The following MOG variants were observed in gnomAD, a reference collection of about 807,000 sequenced individuals.
MOG encodes the protein myelin-oligodendrocyte glycoprotein.
A neutral mutation model predicts 35.9 loss-of-function variants in MOG; 20 were observed. The ratio of observed to expected loss-of-function variants is 0.56; its 90% CI spans 0.39 to 0.81. The LOEUF (loss-of-function observed/expected upper bound fraction) is 0.81, where lower values mean the gene tolerates loss of function less well. Among genes scored for constraint, MOG ranks in the 30% least tolerant of loss-of-function variants. MOG has a pLI of 0.00. For synonymous variants in MOG, 92 were observed against 114.3 expected (o/e 0.80, Z 1.25); for missense variants, 251 against 301.0 (o/e 0.83, Z 1.23).
rs35514085 is a variant in MOG, at chr6:29,660,562, G to GCACACACACA, written c.436+914_436+923dup. Among the ~76,000 whole-genome samples the GCACACACACA allele has an allele frequency of 1.9e-3, 241 of 129,194 alleles. 4 individuals carry two copies. Among genetic ancestry groups the GCACACACACA allele is most frequent in the Middle Eastern group, 0.015 (4 of 268 alleles). The allele number at this position is 129,194 out of a possible 152,430, so 84.8% of individuals were successfully genotyped here. A position where few individuals can be genotyped will look rare whatever the true frequency, so the allele number is the denominator to read the frequency against. ...AAAAAAAAACCCTGTATTTGTGAGCGCACACACACACACACACACACACAC... is the reference window on the plus strand; with the variant it reads ...AAAAAAAAACCCTGTATTTGTGAGCGCACACACACACACACACACACACACACACACACAC... On this transcript the variant is annotated intron_variant, in intron 2 of 7. Coordinates refer to ENST00000376917, the MANE Select transcript of MOG (RefSeq NM_206809.4).
In MOG at chr6:29,670,592, C is replaced by T. The variant is rs1771256263; in HGVS notation, c.710-109C>T. On this transcript the variant is annotated intron_variant, in intron 6 of 7. Coordinates refer to ENST00000376917, the MANE Select transcript of MOG (RefSeq NM_206809.4). The surrounding 1 kb of genome is among the most constrained non-coding windows in gnomAD (Gnocchi z 4.2). Reference sequence around the variant, plus strand: ...GAACCACTTACTGGATCTGTGGGATCCCCCAGTGGAAAGGGCAGTGTGGGT... The same window carrying T: ...GAACCACTTACTGGATCTGTGGGATTCCCCAGTGGAAAGGGCAGTGTGGGT... The T allele has an allele frequency of 6.3e-7, 1 of 1,579,706 alleles. No individual in the cohort carries two copies. Among genetic ancestry groups the T allele is most frequent in the Non-Finnish European group, 8.6e-7 (1 of 1,161,268 alleles).
intron 2 of MOG, among the ~76,000 whole-genome samples, chr6:29,663,012 G>A (rs1769217077): frequency 6.6e-6 from 1 of 152,162 alleles, no homozygotes; most frequent in African/African-American, 2.4e-5. Context: ...GCTCACACCT[G>A]TAATCCCAGT....
At chr6:29,668,031 C>T in intron 5 of MOG, 107 bp downstream of exon 5, 4 of 1,002,256 alleles carry the variant, frequency 4.0e-6, no homozygotes, top group Non-Finnish European at 4.7e-6. Flanking sequence ...GTCCCTTCCT[C>T]TCTTCTCTTT....
chr6:29,658,795 C>T (rs1203453467), intron 1 of MOG, among the ~76,000 whole-genome samples: 1 of 152,146 alleles, frequency 6.6e-6, no homozygotes, highest in Non-Finnish European at 1.5e-5. Context: ...TAACCAGAGT[C>T]TTTTTTGTCG....
intron 2 of MOG, chr6:29,661,331 C>T (rs1768686248): frequency 3.1e-6 from 3 of 972,568 alleles, no homozygotes; most frequent in South Asian, 4.7e-5. Flanking sequence ...TAGAGACTGC[C>T]TGCAGGGATA....
chr6:29,671,810 G>T lies in MOG; in HGVS notation c.*625G>T. On this transcript the variant is annotated 3_prime_UTR_variant, in exon 8 of 8. Coordinates refer to ENST00000376917, the MANE Select transcript of MOG (RefSeq NM_206809.4). ...GGGACCTGGGGAAGCAAAAACGAAA[G>T]CTGGGCAACATGCCTGCTTTAGAAT... 3.0e-6 allele frequency: 1 copy of T among 334,406 alleles called. No homozygotes were observed. Among genetic ancestry groups the T allele is most frequent in the South Asian group, 6.8e-5 (1 of 14,680 alleles). The allele number at this position is 334,406 out of a possible 1,614,324, so 20.7% of individuals were successfully genotyped here.
At position 29,671,381 on chromosome 6, in the gene MOG, T is replaced by C. The variant is rs754764728; in HGVS notation, c.*196T>C. 6.2e-7 allele frequency: 1 copy of C among 1,612,682 alleles called. No individual in the cohort carries two copies. ...TCTGTCATCTACCTTTTCTCTTCAT[T>C]TTCCCATTTTTATTACCCTTCTTTC... On this transcript the variant is annotated 3_prime_UTR_variant, in exon 8 of 8. Transcript: ENST00000376917.
At chr6:29,667,540 C>G in intron 3 of MOG, 103 bp from the exon 4 acceptor site, 1 of 1,181,508 alleles carries the variant, frequency 8.5e-7, no homozygotes, top group Non-Finnish European at 1.3e-6. Context: ...TTCCAGGCTG[C>G]AGAGAAATAG....
At chr6:29,664,595 C>G in intron 2 of MOG, 1 of 434,152 alleles carries the variant, frequency 2.3e-6, no homozygotes, top group Middle Eastern at 7.1e-4. Context: ...AGTTGATAGA[C>G]CCATCTCAGA....
In MOG at chr6:29,662,041, T is replaced by C; in HGVS notation, c.436+2375T>C. On this transcript the variant is annotated intron_variant, in intron 2 of 7. Coordinates refer to ENST00000376917, the MANE Select transcript of MOG (RefSeq NM_206809.4). This position sits in a 1 kb window ranked among gnomAD's most constrained non-coding sequence, Gnocchi z 4.2. ...CAAATTTAGGAATGAGATGAAGTAA[T>C]GGTATTATTGCAAGTCTCAGGTGTA... 1 of 985,348 alleles carries C rather than the reference T, an allele frequency of 1.0e-6. No individual in the cohort carries two copies. The highest frequency in any genetic ancestry group is 1.2e-6 in the Non-Finnish European group (1 of 829,892). 61.0% of individuals were successfully genotyped at this position (985,348 alleles called of 1,614,324 possible).
intron 3 of MOG, among the ~76,000 whole-genome samples, chr6:29,666,471 T>C (rs968731456): frequency 1.3e-5 from 2 of 152,182 alleles, no homozygotes; most frequent in African/African-American, 4.8e-5. Flanking sequence ...GACCTAGCAT[T>C]TCCCTATGAG....
chr6:29,659,310 C>T lies in MOG; in HGVS notation c.89-9C>T. 6.2e-7 allele frequency: 1 copy of T among 1,612,788 alleles called. No homozygotes were observed. Among genetic ancestry groups the T allele is most frequent in the Non-Finnish European group, 8.5e-7 (1 of 1,179,862 alleles). On this transcript the variant is annotated splice_polypyrimidine_tract_variant and intron_variant, in intron 1 of 7. Coordinates refer to ENST00000376917, the MANE Select transcript of MOG (RefSeq NM_206809.4). ...ACCTTAAATCTCTTCCTTTTGGTGT[C>T]TTGGACAGGGCAGTTCAGAGTGATA...
intron 3 of MOG, among the ~76,000 whole-genome samples, chr6:29,666,718 C>T (rs1305946328): frequency 2.0e-5 from 3 of 152,114 alleles, no homozygotes; most frequent in African/African-American, 7.2e-5. Flanking sequence ...AGTAGGCGTT[C>T]GAAAATTGTT....
In MOG at chr6:29,670,261, T is replaced by C. The variant is rs1771166646; in HGVS notation, c.593-20T>C. 6.2e-6 allele frequency: 10 copies of C among 1,614,222 alleles called. No homozygotes were observed. In the East Asian group the frequency reaches 2.2e-4, roughly 36 times the overall value. ...AGGGGGAACACATGTTAACCCTGTTTGTTCTGGTGAACAATTCAGATCCCC... is the reference window on the plus strand; with the variant it reads ...AGGGGGAACACATGTTAACCCTGTTCGTTCTGGTGAACAATTCAGATCCCC... On this transcript the variant is annotated intron_variant, in intron 5 of 7. Coordinates refer to ENST00000376917, the MANE Select transcript of MOG (RefSeq NM_206809.4). The surrounding 1 kb of genome is among the most constrained non-coding windows in gnomAD (Gnocchi z 4.2).
At chr6:29,671,110 C>A in intron 7 of MOG, 62 bp from the exon 8 acceptor site, 1 of 1,612,754 alleles carries the variant, frequency 6.2e-7, no homozygotes, top group Admixed American at 1.7e-5. Flanking sequence ...CTCCCTAGTT[C>A]AATGGTTTTA....
intron 5 of MOG, 54 bp downstream of exon 5, chr6:29,667,978 T>C: frequency 6.3e-7 from 1 of 1,586,058 alleles, no homozygotes; most frequent in Non-Finnish European, 8.7e-7. Context: ...TTCACTCTAG[T>C]TCCAGTCACC....
At chr6:29,661,764 C>G (rs1326486023) in intron 2 of MOG, 1 of 962,214 alleles carries the variant, frequency 1.0e-6, no homozygotes. Context: ...TGCAGTGAGC[C>G]AAGATCGTGC....
chr6:29,659,193 C>T, intron 1 of MOG, 126 bp from the exon 2 acceptor site: 2 of 812,122 alleles, frequency 2.5e-6, no homozygotes. Context: ...CTCCCTGGCT[C>T]TAGAATGTCA....
At chr6:29,671,142 G>C (rs765759957) in intron 7 of MOG, 30 bp from the exon 8 acceptor site, 1 of 1,612,948 alleles carries the variant, frequency 6.2e-7, no homozygotes. Context: ...ACTGACATAC[G>C]TTTTTCAAGT....
Sources: allele counts gnomAD v4.1 joint callset (sites outside exome capture counted in the v4.1 genomes callset), GRCh38; gene constraint gnomAD v4.1.1; non-coding constraint Gnocchi (gnomAD v3.1); transcripts MANE v1.5; gene names NCBI Gene and HGNC (gene_info 2026-07-23, HGNC 2026-07-21).